The following CYP4X1 variants were observed in gnomAD, a reference collection of about 807,000 sequenced individuals.
The protein encoded by CYP4X1 is cytochrome P450 family 4 subfamily X member 1.
Under a neutral mutation model 57.9 loss-of-function variants are expected in CYP4X1, and 44 were observed. That is an observed-to-expected ratio of 0.76 (90% CI 0.60 to 0.98). The LOEUF is 0.98. Ranked by LOEUF, CYP4X1 falls within the 50% of genes least tolerant of loss-of-function variation. The pLI is 0.00. For synonymous variants in CYP4X1, 227 were observed against 228.6 expected, an observed-to-expected ratio of 0.99 and a Z score of 0.06; for missense variants, 532 against 623.9, an observed-to-expected ratio of 0.85 and a Z score of 1.57.
chr1:47,028,298 AGC>A (rs1389857396), intron 1 of CYP4X1, among the ~76,000 whole-genome samples: 1 of 152,174 alleles, frequency 6.6e-6, no homozygotes, highest in Non-Finnish European at 1.5e-5. Context: ...AGTGGTTGCC[AGC>A]TGTACACACT....
chr1:46,993,324 G>A, the CYP4X1 span, among the ~76,000 whole-genome samples: 1 of 150,804 alleles, frequency 6.6e-6, no homozygotes, highest in African/African-American at 2.4e-5. Context: ...TCTTAATCCA[G>A]TCTATCATTG....
chr1:47,048,870 G>A lies in CYP4X1; in HGVS notation c.1272+241G>A, dbSNP rs540271546. On this transcript the variant is annotated intron_variant, in intron 10 of 11. Transcript: ENST00000371901. ...TAAGATCTATTACTTGTAACAGGAA[G>A]CTGGAGTATATGTCTCTGTAATAAT... 4.7e-4 allele frequency among the ~76,000 whole-genome samples: 72 copies of A among 152,366 alleles called. 2 individuals carry two copies. The South Asian group carries it at 0.015, about 31-fold the overall frequency.
chr1:47,000,827 G>T, the CYP4X1 span: 1 of 153,394 alleles, frequency 6.5e-6, no homozygotes, highest in Non-Finnish European at 1.5e-5. Context: ...CAGGTGGGTG[G>T]ATAGAAAGAA....
chr1:46,989,113 C>G, the CYP4X1 span, among the ~76,000 whole-genome samples: 1 of 152,306 alleles, frequency 6.6e-6, no homozygotes, highest in South Asian at 2.1e-4. Context: ...CAAATTGTCT[C>G]TGTTTGCAGA....
At chr1:46,992,702 A>G in the CYP4X1 span, among the ~76,000 whole-genome samples, 5 of 152,334 alleles carry the variant, frequency 3.3e-5, no homozygotes, top group Non-Finnish European at 4.4e-5. Context: ...TAATGGTGCC[A>G]TGAACATTGG....
rs143566011 is a variant in CYP4X1, at chr1:47,041,743, GTTGA to G, written c.1073+2215_1073+2218del. Among the ~76,000 whole-genome samples the G allele has an allele frequency of 9.0e-3, 1,368 of 152,166 alleles. 27 individuals carry two copies. The highest frequency in any genetic ancestry group is 0.031 in the African/African-American group (1,293 of 41,522). On this transcript the variant is annotated intron_variant, in intron 8 of 11. Coordinates refer to ENST00000371901, the MANE Select transcript of CYP4X1 (RefSeq NM_178033.2). ...ATCCTTTAAGTTGTCTCTTCACTAT[GTTGA>G]TTGTTTCCTTTGTTGTGCAGAAGCT...
the CYP4X1 span, among the ~76,000 whole-genome samples, chr1:47,014,549 T>A: frequency 6.6e-6 from 1 of 152,246 alleles, no homozygotes; most frequent in Non-Finnish European, 1.5e-5. Context: ...CACTTTATTT[T>A]GATTTCTGTT....
At chr1:46,969,908 C>G in the CYP4X1 span, among the ~76,000 whole-genome samples, 1 of 152,182 alleles carries the variant, frequency 6.6e-6, no homozygotes, top group African/African-American at 2.4e-5. Context: ...ATGAACATTA[C>G]TATGTAGTGA....
At chr1:46,978,552 ATTAGATG>A in the CYP4X1 span, among the ~76,000 whole-genome samples, 1 of 152,124 alleles carries the variant, frequency 6.6e-6, no homozygotes, top group African/African-American at 2.4e-5. Flanking sequence ...CACTGTCAAT[ATTAGATG>A]TATCAATGAG....
the CYP4X1 span, among the ~76,000 whole-genome samples, chr1:46,980,199 A>G: frequency 2.6e-5 from 4 of 152,350 alleles, no homozygotes; most frequent in South Asian, 6.2e-4. Context: ...CCCTGTTTGC[A>G]GTTGACATGA....
chr1:46,977,965 C>T, the CYP4X1 span, among the ~76,000 whole-genome samples: 1 of 152,024 alleles, frequency 6.6e-6, no homozygotes, highest in African/African-American at 2.4e-5. Context: ...TACAAGAGCT[C>T]CTGAAGGAAG....
In CYP4X1 at chr1:47,031,436, ATCCCAAG is replaced by A; in HGVS notation, c.326_332del (p.Lys109SerfsTer15). ...TTGTTTCCTCTGCTTGACTCTGCAGATCCCAAGTCCCAGTACCTGCAGAAATTCTCAC... is the reference window on the plus strand; with the variant it reads ...TTGTTTCCTCTGCTTGACTCTGCAGATCCCAGTACCTGCAGAAATTCTCAC... On this transcript the variant is annotated frameshift_variant and splice_region_variant, in exon 3 of 12. Transcript: ENST00000371901. LOFTEE classifies it high-confidence loss of function. 2 of 1,613,966 alleles carry A rather than the reference ATCCCAAG, an allele frequency of 1.2e-6. No individual in the cohort carries two copies. Among genetic ancestry groups the A allele is most frequent in the Non-Finnish European group, 1.7e-6 (2 of 1,179,952 alleles).
At chr1:47,011,051 A>G in the CYP4X1 span, among the ~76,000 whole-genome samples, 2 of 152,222 alleles carry the variant, frequency 1.3e-5, no homozygotes, top group East Asian at 1.9e-4. Context: ...GAATTAGAAA[A>G]TACTACTTTA....
chr1:46,983,409 C>A, the CYP4X1 span, among the ~76,000 whole-genome samples: 1 of 152,226 alleles, frequency 6.6e-6, no homozygotes, highest in South Asian at 2.1e-4. Flanking sequence ...GAGTTGCCAG[C>A]AAAATGATCA....
intron 8 of CYP4X1, 147 bp downstream of exon 8, chr1:47,039,679 G>A: frequency 2.1e-6 from 1 of 472,644 alleles, no homozygotes; most frequent in Non-Finnish European, 3.5e-6. Context: ...TCTTTCTAAA[G>A]AGAGCTCCAA....
chr1:46,961,368 G>A, the CYP4X1 span, among the ~76,000 whole-genome samples: 1 of 152,176 alleles, frequency 6.6e-6, no homozygotes, highest in East Asian at 1.9e-4. Context: ...ATTCCTAAGT[G>A]GCCTTGGCCT....
the CYP4X1 span, among the ~76,000 whole-genome samples, chr1:46,971,435 A>G: frequency 6.6e-6 from 1 of 152,150 alleles, no homozygotes; most frequent in Admixed American, 6.5e-5. Context: ...TTGGGTATAT[A>G]CCAGTAATGG....
the CYP4X1 span, among the ~76,000 whole-genome samples, chr1:47,011,624 C>T: frequency 6.6e-6 from 1 of 152,152 alleles, no homozygotes; most frequent in Admixed American, 6.5e-5. Flanking sequence ...AACAGGCAAC[C>T]TACAGAATGG....
At chr1:47,015,521 T>C in the CYP4X1 span, among the ~76,000 whole-genome samples, 1 of 152,190 alleles carries the variant, frequency 6.6e-6, no homozygotes, top group Non-Finnish European at 1.5e-5. Context: ...TTCTTTCTCT[T>C]ATGCTTATGT....
Sources: gnomAD v4.1 joint callset for allele counts (sites outside exome capture counted in the v4.1 genomes callset) on GRCh38, gnomAD v4.1.1 for gene constraint, MANE v1.5 for transcripts, NCBI Gene and HGNC (gene_info 2026-07-23, HGNC 2026-07-21) for gene names.